The following PDE1C variants were observed in gnomAD, a reference collection of about 807,000 sequenced individuals.
PDE1C encodes phosphodiesterase 1C.
A neutral mutation model predicts 93.1 loss-of-function variants in PDE1C; 62 were observed. The ratio of observed to expected loss-of-function variants is 0.67; its 90% CI spans 0.54 to 0.82. The LOEUF (loss-of-function observed/expected upper bound fraction) is 0.82. PDE1C is among the 40% of genes least tolerant of loss of function. PDE1C has a pLI of 0.00. For synonymous variants in PDE1C, 325 were observed against 310.1 expected, an observed-to-expected ratio of 1.05 and a Z score of -0.50; for missense variants, 742 against 884.6, an observed-to-expected ratio of 0.84 and a Z score of 2.04.
chr7:31,937,307 G>A (rs1360590569), intron 2 of PDE1C, among the ~76,000 whole-genome samples: 4 of 152,156 alleles, frequency 2.6e-5, no homozygotes, highest in East Asian at 1.9e-4. Context: ...GAAATATATT[G>A]TGGGGTAAAA....
chr7:31,655,888 T>C, the PDE1C span: 4 of 985,522 alleles, frequency 4.1e-6, no homozygotes, highest in Non-Finnish European at 4.8e-6. Context: ...AACACCTGGC[T>C]CTAGGATGTC....
rs189039325 is a variant in PDE1C at position 32,039,565 on chromosome 7, T to C, written c.128+11989A>G. Among the ~76,000 whole-genome samples, 40 of 152,258 alleles carry C rather than the reference T, an allele frequency of 2.6e-4. 1 individual carries two copies. Among genetic ancestry groups the C allele is most frequent in the East Asian group, 1.7e-3 (9 of 5,180 alleles). ...CGACCCTGTCCCCTGGTGGCAGAGC[T>C]CCGCGATTCAGAACCTCGCAGCAGG... is the stretch of plus-strand genomic sequence containing the variant. On this transcript the variant is annotated intron_variant, in intron 2 of 17. Transcript: ENST00000396191.
intron 1 of PDE1C, among the ~76,000 whole-genome samples, chr7:32,226,104 G>C (rs1213160927): frequency 6.6e-6 from 1 of 152,112 alleles, no homozygotes; most frequent in African/African-American, 2.4e-5. Flanking sequence ...GTGTAACAGA[G>C]GATTTTGACG....
At chr7:32,255,381 G>T (rs142933218) in intron 1 of PDE1C, among the ~76,000 whole-genome samples, 3 of 152,146 alleles carry the variant, frequency 2.0e-5, no homozygotes, top group Non-Finnish European at 4.4e-5. Flanking sequence ...ATGTGGCTAG[G>T]CCACACTCAA....
intron 16 of PDE1C, chr7:31,788,374 A>G (rs1485386881): frequency 6.6e-6 from 1 of 152,216 alleles, no homozygotes; most frequent in African/African-American, 2.4e-5. Flanking sequence ...TGCAGCTCAC[A>G]GGCATGTTTC....
the PDE1C span, among the ~76,000 whole-genome samples, chr7:31,743,013 T>G: frequency 6.6e-6 from 1 of 152,054 alleles, no homozygotes; most frequent in South Asian, 2.1e-4. Flanking sequence ...ATCTACTATC[T>G]CTCTATTTCC....
intron 2 of PDE1C, among the ~76,000 whole-genome samples, chr7:32,195,760 C>T (rs930723917): frequency 6.6e-6 from 1 of 152,162 alleles, no homozygotes; most frequent in Non-Finnish European, 1.5e-5. Context: ...CCTGTTTGAA[C>T]TGACTTTCTA....
chr7:31,802,635 T>C (rs1428623134), intron 16 of PDE1C, among the ~76,000 whole-genome samples: 1 of 151,746 alleles, frequency 6.6e-6, no homozygotes, highest in Non-Finnish European at 1.5e-5. Context: ...GTATGTCTGA[T>C]GAAAACATCT....
the PDE1C span, among the ~76,000 whole-genome samples, chr7:31,674,155 A>C: frequency 5.3e-5 from 8 of 152,178 alleles, no homozygotes; most frequent in Non-Finnish European, 8.8e-5. Context: ...GTTCTTTCCT[A>C]ATCAGCCCCT....
chr7:32,385,946 A>C (rs1250840369), intron 1 of PDE1C, among the ~76,000 whole-genome samples: 1 of 152,146 alleles, frequency 6.6e-6, no homozygotes, highest in East Asian at 1.9e-4. Flanking sequence ...TTGAAACCCC[A>C]AGAACAGGAC....
At chr7:32,251,622 G>A (rs1184606739) in intron 1 of PDE1C, among the ~76,000 whole-genome samples, 1 of 151,958 alleles carries the variant, frequency 6.6e-6, no homozygotes, top group East Asian at 1.9e-4. Flanking sequence ...TCCCCACCCT[G>A]CCCCCTCACA....
intron 2 of PDE1C, among the ~76,000 whole-genome samples, chr7:32,018,594 T>C (rs30557): frequency 0.68 from 103,683 of 151,888 alleles, 35,801 homozygotes; most frequent in Middle Eastern, 0.77. Context: ...GTCCCATTTA[T>C]ATGAAATGTC....
intron 3 of PDE1C, among the ~76,000 whole-genome samples, chr7:32,112,846 GTATATATATA>G (rs1203879712): frequency 1.0e-3 from 60 of 59,168 alleles, no homozygotes; most frequent in African/African-American, 3.9e-3. Context: ...GTGTGTGTGT[GTATATATATA>G]TATATATATA....
At chr7:32,070,827 G>A (rs975237829), upstream of PDE1C, 12 of 987,518 alleles carry the variant, frequency 1.2e-5, no homozygotes, top group Admixed American at 1.2e-4. Context: ...AAGTGAGAAG[G>A]GAGAGAAAAG....
chr7:32,241,677 T>C (rs1054872799), intron 1 of PDE1C, among the ~76,000 whole-genome samples: 1 of 152,122 alleles, frequency 6.6e-6, no homozygotes, highest in African/African-American at 2.4e-5. Flanking sequence ...CATATATGCA[T>C]GTGGGTAAGA....
intron 1 of PDE1C, among the ~76,000 whole-genome samples, chr7:32,358,893 GTGTC>G (rs1784080782): frequency 6.6e-6 from 1 of 150,766 alleles, no homozygotes; most frequent in Non-Finnish European, 1.5e-5. Flanking sequence ...GTGTGTGTGT[GTGTC>G]TGTGTGTGTG....
intron 1 of PDE1C, among the ~76,000 whole-genome samples, chr7:32,280,851 G>A (rs1035372266): frequency 1.8e-4 from 27 of 152,098 alleles, no homozygotes; most frequent in Non-Finnish European, 3.1e-4. Flanking sequence ...AGAGTGTGGT[G>A]GTACACACCT....
At chr7:31,789,994 G>A (rs1325755558) in intron 16 of PDE1C, 39 of 1,258,596 alleles carry the variant, frequency 3.1e-5, no homozygotes, top group East Asian at 2.2e-4. Flanking sequence ...AAAATCTCAC[G>A]TTGTTTGTTT....
At chr7:31,875,820 T>TATATATAC (rs1562956106) in intron 5 of PDE1C, among the ~76,000 whole-genome samples, 4 of 87,198 alleles carry the variant, frequency 4.6e-5, no homozygotes, top group African/African-American at 9.4e-5. Flanking sequence ...TATATATATA[T>TATATATAC]ATATATATAT....
Sources: gnomAD v4.1 joint callset for allele counts (sites outside exome capture counted in the v4.1 genomes callset) on GRCh38, gnomAD v4.1.1 for gene constraint, MANE v1.5 for transcripts, NCBI Gene and HGNC (gene_info 2026-07-23, HGNC 2026-07-21) for gene names.